Variants in CPSF7 observed in about 807,000 individuals in gnomAD.
The protein encoded by CPSF7 is cleavage and polyadenylation specific factor 7, also known as cleavage and polyadenylation specificity factor subunit 7.
A neutral mutation model predicts 44.3 loss-of-function variants in CPSF7; 1 was observed. The ratio of observed to expected loss-of-function variants is 0.02; its 90% confidence interval spans 0.01 to 0.11. The LOEUF is 0.11. Ranked by LOEUF, CPSF7 falls within the 10% of genes least tolerant of loss-of-function variation. The probability of loss-of-function intolerance (pLI) is 1.00; values close to 1 mark genes in which losing one functional copy is unlikely to be tolerated. For synonymous variants in CPSF7, 202 were observed against 222.0 expected, an observed-to-expected ratio of 0.91 and a Z score of 0.80; for missense variants, 443 against 607.2, an observed-to-expected ratio of 0.73 and a Z score of 2.84.
rs558151373 is a variant in CPSF7, at chr11:61,424,519, C to A, written c.55-2911G>T. Among the ~76,000 whole-genome samples, 12 of 152,306 alleles carry A rather than the reference C, an allele frequency of 7.9e-5. No individual in the cohort carries two copies. The South Asian group carries it at 1.9e-3, about 24-fold the overall frequency. On this transcript the variant is annotated intron_variant, in intron 2 of 9. Coordinates refer to ENST00000439958, the MANE Select transcript of CPSF7 (RefSeq NM_001142565.3). ...CCAGGTTGAAGTGCAGTGGCGCAATCTTGGCTCACTGCAACCTCCGCCTCC... is the reference window on the plus strand; with the variant it reads ...CCAGGTTGAAGTGCAGTGGCGCAATATTGGCTCACTGCAACCTCCGCCTCC...
Position 61,416,323 on chromosome 11 carries a change from G to A in CPSF7, c.720C>T (p.Ser240=). The change falls in exon 6 of 10, where the codon TCC becomes TCT. Residue 240 remains serine, a synonymous_variant. Transcript: ENST00000439958. The stretch of plus-strand genomic sequence containing the variant: ...GAGGAGGAGGGACCCCAAAGCTTGA[G>A]GAGAGAGGTGGTGGGGGTGGAATTG... ...PPPIPPPPPL[S]SSFGVPPPPP... 1 of 1,571,248 alleles carries A rather than the reference G, an allele frequency of 6.4e-7. No homozygotes were observed.
chr11:61,406,667 A>G lies in CPSF7; in HGVS notation c.*6-1963T>C, dbSNP rs185188223. ...GTCAAATGACTGTTTTCTAGGCAAT[A>G]TTGTTACAGCATTTTCAAAGTTACC... On this transcript the variant is annotated intron_variant, in intron 9 of 9. Transcript: ENST00000439958. Among the ~76,000 whole-genome samples the G allele has an allele frequency of 1.1e-3, 168 of 152,336 alleles. 1 individual carries two copies. Among genetic ancestry groups the G allele is most frequent in the Middle Eastern group, 6.8e-3 (2 of 294 alleles).
intron 9 of CPSF7, among the ~76,000 whole-genome samples, chr11:61,404,996 A>G (rs1255954964): frequency 6.6e-6 from 1 of 152,202 alleles, no homozygotes; most frequent in Non-Finnish European, 1.5e-5. Flanking sequence ...GTTCGACTGA[A>G]AAGGAGACTT....
intron 9 of CPSF7, chr11:61,406,077 A>AG (rs1299864279): frequency 1.3e-5 from 2 of 152,248 alleles, no homozygotes; most frequent in Non-Finnish European, 2.9e-5. Context: ...GACATAGTTG[A>AG]GAACTACAAA....
At chr11:61,413,633 C>CA (rs1192019975) in intron 7 of CPSF7, among the ~76,000 whole-genome samples, 4,149 of 85,702 alleles carry the variant, frequency 0.048, 127 homozygotes, top group African/African-American at 0.12. Context: ...GACTTCGTCT[C>CA]AAAAAAAAAA....
Position 61,412,050 on chromosome 11 carries a change from C to A in CPSF7, c.1058-113G>T, listed in dbSNP as rs1017770845. 10 of 869,444 alleles carry A rather than the reference C, an allele frequency of 1.2e-5. No homozygotes were observed. In the East Asian group the frequency reaches 1.3e-4, roughly 11 times the overall value. The allele number at this position is 869,444 out of a possible 1,614,324, so 53.9% of individuals were successfully genotyped here. A position where few individuals can be genotyped will look rare whatever the true frequency, so the allele number is the denominator to read the frequency against. ...AAGAGTAGCTAGCCGTCCCAAACAA[C>A]CGCGGTAAAAGAGACAAGGCAGATG... is the stretch of plus-strand genomic sequence containing the variant. On this transcript the variant is annotated intron_variant, in intron 7 of 9. Transcript: ENST00000439958.
At chr11:61,417,339 CAGG>C (rs1860432030) in intron 5 of CPSF7, among the ~76,000 whole-genome samples, 1 of 152,242 alleles carries the variant, frequency 6.6e-6, no homozygotes, top group African/African-American at 2.4e-5. Flanking sequence ...CTGTGCACAA[CAGG>C]AGCTCAGAAC....
chr11:61,406,026 A>C (rs757677693), intron 9 of CPSF7: 4 of 152,230 alleles, frequency 2.6e-5, no homozygotes, highest in African/African-American at 9.6e-5. Flanking sequence ...GAGAATGACT[A>C]TATTTCAAGT....
intron 1 of CPSF7, chr11:61,429,713 C>T: frequency 6.5e-7 from 1 of 1,534,282 alleles, no homozygotes; most frequent in South Asian, 1.2e-5. Flanking sequence ...CCCAGGCCTA[C>T]TCTTCGCCCC....
At chr11:61,429,663 C>T (rs1256734797) in intron 1 of CPSF7, 2 of 1,376,634 alleles carry the variant, frequency 1.5e-6, no homozygotes, top group Non-Finnish European at 2.0e-6. Context: ...CCGGCCAGAG[C>T]CCCCAGGTGT....
chr11:61,416,189 G>A lies in CPSF7; in HGVS notation c.854C>T (p.Ala285Val). Residue 285 changes from alanine (A) to valine (V), a missense_variant, in exon 6 of 10, where the codon GCC becomes GTC. By Grantham distance (64) the Ala-to-Val change is moderately conservative (BLOSUM62 0). Transcript: ENST00000439958. ...TGTAGCGTTTGGTGGGGGGAAGAAG[G>A]CTGGATTGAGGTGAAGGGCAGGTGG... ...AIPPALHLNPAFFPPPNATVG... is the reference protein window; with the variant it reads ...AIPPALHLNPVFFPPPNATVG... 1 of 1,521,980 alleles carries A rather than the reference G, an allele frequency of 6.6e-7. No individual in the cohort carries two copies. Among genetic ancestry groups the A allele is most frequent in the South Asian group, 1.3e-5 (1 of 75,432 alleles). 94.3% of individuals were successfully genotyped at this position (1,521,980 alleles called of 1,614,324 possible). A position where few individuals can be genotyped will look rare whatever the true frequency, so the allele number is the denominator to read the frequency against.
At chr11:61,427,510 A>G (rs1049133199) in intron 2 of CPSF7, among the ~76,000 whole-genome samples, 1 of 151,924 alleles carries the variant, frequency 6.6e-6, no homozygotes, top group East Asian at 1.9e-4. Context: ...AAAATTAGCC[A>G]GGTGAGGTGA....
rs1425684085 is a variant in CPSF7, at chr11:61,402,796, CA to C, written c.*1913del. ...AGAAAGACAAACAAATCACCGACAA[CA>C]GGGGGACGGGACCTTGGCCTTTTTG... On this transcript the variant is annotated 3_prime_UTR_variant, in exon 10 of 10. Coordinates refer to ENST00000439958, the MANE Select transcript of CPSF7 (RefSeq NM_001142565.3). The C allele has an allele frequency of 7.2e-5, 11 of 152,642 alleles. 1 individual carries two copies. The highest frequency in any genetic ancestry group is 2.4e-4 in the African/African-American group (10 of 41,516). The allele number at this position is 152,642 out of a possible 1,614,324, so 9.5% of individuals were successfully genotyped here. A position where few individuals can be genotyped will look rare whatever the true frequency, so the allele number is the denominator to read the frequency against.
chr11:61,409,555 A>C (rs769723261), intron 9 of CPSF7, among the ~76,000 whole-genome samples: 10 of 152,288 alleles, frequency 6.6e-5, no homozygotes, highest in Admixed American at 1.3e-4. Context: ...CTTCCGTTGA[A>C]GTTAATTATC....
chr11:61,412,585 G>A (rs535277615), intron 7 of CPSF7, among the ~76,000 whole-genome samples: 87 of 152,206 alleles, frequency 5.7e-4, no homozygotes, highest in African/African-American at 2.0e-3. Context: ...CACTGCGCCC[G>A]GCCAGTGTTG....
intron 2 of CPSF7, among the ~76,000 whole-genome samples, chr11:61,425,555 T>G (rs1861269187): frequency 6.6e-6 from 1 of 152,234 alleles, no homozygotes; most frequent in Non-Finnish European, 1.5e-5. Flanking sequence ...GATTTTCAAT[T>G]TAAATAAGAT....
chr11:61,422,993 C>T (rs1017170489), intron 2 of CPSF7, among the ~76,000 whole-genome samples: 2 of 149,672 alleles, frequency 1.3e-5, no homozygotes, highest in Non-Finnish European at 3.0e-5. Context: ...ATTAGTTGGG[C>T]ATGGTGGCAC....
At chr11:61,412,791 T>C (rs774948011) in intron 7 of CPSF7, among the ~76,000 whole-genome samples, 11 of 152,244 alleles carry the variant, frequency 7.2e-5, no homozygotes, top group Non-Finnish European at 1.5e-4. Flanking sequence ...TATATGTTGA[T>C]ATAATAGGTG....
At chr11:61,427,634 CAGAG>C (rs981435837) in intron 2 of CPSF7, among the ~76,000 whole-genome samples, 5 of 131,286 alleles carry the variant, frequency 3.8e-5, no homozygotes, top group African/African-American at 1.4e-4. Flanking sequence ...GCCTGGGTGA[CAGAG>C]AGAGACTCTG....
Sources: allele counts gnomAD v4.1 joint callset (sites outside exome capture counted in the v4.1 genomes callset), GRCh38; gene constraint gnomAD v4.1.1; transcripts MANE v1.5; gene names NCBI Gene and HGNC (gene_info 2026-07-23, HGNC 2026-07-21).